Variants in RFX6 observed in about 807,000 individuals in gnomAD.
RFX6 encodes the protein DNA-binding protein RFX6.
Under a neutral mutation model 110.8 loss-of-function variants are expected in RFX6, and 50 were observed. The observed-to-expected ratio is 0.45, with a 90% CI of 0.36 to 0.57. The LOEUF is 0.57. RFX6 is among the 20% of genes least tolerant of loss of function. The pLI is 0.00. For synonymous variants in RFX6, 383 were observed against 411.2 expected (o/e 0.93, Z 0.83); for missense variants, 990 against 1,127.0 (o/e 0.88, Z 1.74).
At chr6:116,917,861 A>ACACT (rs200053583) in intron 9 of RFX6, among the ~76,000 whole-genome samples, 176 bp from the exon 10 acceptor site, 1 of 152,148 alleles carries the variant, frequency 6.6e-6, no homozygotes, top group African/African-American at 2.4e-5. Context: ...ATTGTCATAC[A>ACACT]CACTCACACA....
chr6:116,916,345 C>A, intron 9 of RFX6, 31 bp downstream of exon 9: 2 of 1,242,788 alleles, frequency 1.6e-6, no homozygotes, highest in Non-Finnish European at 2.4e-6. Context: ...TAAACATGAG[C>A]CATTTATTTC....
At chr6:116,892,587 C>T (rs996100495) in intron 4 of RFX6, among the ~76,000 whole-genome samples, 1 of 152,142 alleles carries the variant, frequency 6.6e-6, no homozygotes, top group South Asian at 2.1e-4. Context: ...CAGTCCAGTT[C>T]CCTCACAGTG....
At chr6:116,923,730 C>CAG (rs1775652054) in intron 14 of RFX6, among the ~76,000 whole-genome samples, 1 of 152,200 alleles carries the variant, frequency 6.6e-6, no homozygotes, top group East Asian at 1.9e-4. Flanking sequence ...TTAGAAGACA[C>CAG]ACTGTCATGT....
intron 9 of RFX6, among the ~76,000 whole-genome samples, chr6:116,917,342 T>TTTG (rs1186932198): frequency 1.3e-5 from 2 of 151,596 alleles, no homozygotes; most frequent in Non-Finnish European, 2.9e-5. Context: ...TGTCTTGTTT[T>TTTG]TTTTTTTTTT....
intron 6 of RFX6, among the ~76,000 whole-genome samples, chr6:116,910,049 T>C (rs917743682): frequency 6.6e-6 from 1 of 152,168 alleles, no homozygotes; most frequent in African/African-American, 2.4e-5. Context: ...AAGTGCAGTC[T>C]AGAAATAAAT....
intron 18 of RFX6, among the ~76,000 whole-genome samples, chr6:116,930,482 TA>T (rs1775859561): frequency 1.3e-5 from 2 of 152,224 alleles, no homozygotes; most frequent in Middle Eastern, 3.4e-3. Context: ...AGTAAGGCAA[TA>T]AATACATGAG....
intron 6 of RFX6, among the ~76,000 whole-genome samples, chr6:116,906,121 T>C (rs11153641): frequency 0.2 from 30,738 of 152,156 alleles, 3,722 homozygotes; most frequent in East Asian, 0.42. Context: ...CCTTTCCCCA[T>C]AGAATTGTCC....
At chr6:116,883,308 A>G (rs2114663019) in intron 4 of RFX6, among the ~76,000 whole-genome samples, 1 of 152,104 alleles carries the variant, frequency 6.6e-6, no homozygotes, top group Non-Finnish European at 1.5e-5. Flanking sequence ...AAATACAGAA[A>G]ACTACCTCTA....
At chr6:116,880,479 T>A in intron 2 of RFX6, 65 bp from the exon 3 acceptor site, 4 of 1,486,306 alleles carry the variant, frequency 2.7e-6, no homozygotes, top group Non-Finnish European at 3.7e-6. Context: ...GGGTAATAAG[T>A]CAATGAGAAA....
chr6:116,880,520 C>T, intron 2 of RFX6, 24 bp from the exon 3 acceptor site: 1 of 1,605,210 alleles, frequency 6.2e-7, no homozygotes, highest in Non-Finnish European at 8.5e-7. Context: ...AATATTTGAC[C>T]TAATTTTTGT....
chr6:116,905,261 T>A (rs1374687366), intron 6 of RFX6, among the ~76,000 whole-genome samples: 1 of 152,182 alleles, frequency 6.6e-6, no homozygotes, highest in Non-Finnish European at 1.5e-5. Flanking sequence ...TGGTATCTCA[T>A]TTAGGGTTTG....
chr6:116,919,243 C>G lies in RFX6; in HGVS notation c.1129C>G (p.Arg377Gly). Residue 377 changes from arginine (R) to glycine (G), a missense_variant, in exon 11 of 19, where the codon CGA becomes GGA. Physicochemically the swap from Arg to Gly is moderately radical, Grantham distance 125. Transcript: ENST00000332958. Reference sequence around the variant, plus strand: ...AACTGACAAGAAAATACCTATTGTGCGAAGATTTGTATCTTCTCTGAAACG... The same window carrying G: ...AACTGACAAGAAAATACCTATTGTGGGAAGATTTGTATCTTCTCTGAAACG... ...ALTDKKIPIV[R>G]RFVSSLKRQT... The G allele has an allele frequency of 6.2e-7, 1 of 1,612,994 alleles. No individual in the cohort carries two copies. Among genetic ancestry groups the G allele is most frequent in the Non-Finnish European group, 8.5e-7 (1 of 1,179,176 alleles).
intron 6 of RFX6, among the ~76,000 whole-genome samples, chr6:116,902,836 A>G (rs749558127): frequency 9.2e-5 from 14 of 152,096 alleles, no homozygotes; most frequent in Non-Finnish European, 1.8e-4. Flanking sequence ...GTAGACTGTT[A>G]TCATACTCTC....
At chr6:116,924,161 T>A (rs984180257) in intron 14 of RFX6, among the ~76,000 whole-genome samples, 1 of 152,232 alleles carries the variant, frequency 6.6e-6, no homozygotes, top group Non-Finnish European at 1.5e-5. Context: ...AGAACATATT[T>A]CACTTGAAAA....
chr6:116,882,355 C>T lies in RFX6; in HGVS notation c.505-12C>T. On this transcript the variant is annotated splice_polypyrimidine_tract_variant and intron_variant, in intron 3 of 18. Coordinates refer to ENST00000332958, the MANE Select transcript of RFX6 (RefSeq NM_173560.4). The stretch of plus-strand genomic sequence containing the variant: ...ACTTTCTAACGCCTAAAGTAATCAT[C>T]TTTCTTTTTAGACAATTCGCCAGAA... 1 of 1,609,076 alleles carries T rather than the reference C, an allele frequency of 6.2e-7. No individual in the cohort carries two copies.
intron 10 of RFX6, 121 bp downstream of exon 10, chr6:116,918,207 G>T (rs1408578904): frequency 7.6e-6 from 6 of 793,808 alleles, no homozygotes; most frequent in African/African-American, 1.7e-5. Context: ...TTCTACTTTT[G>T]TCCCTTTGTA....
intron 6 of RFX6, among the ~76,000 whole-genome samples, chr6:116,907,091 T>A (rs1051331143): frequency 6.6e-6 from 1 of 151,670 alleles, no homozygotes; most frequent in African/African-American, 2.4e-5. Flanking sequence ...ATATGGAATT[T>A]TTTCAAATAC....
At chr6:116,905,901 C>T (rs1775191308) in intron 6 of RFX6, among the ~76,000 whole-genome samples, 1 of 151,736 alleles carries the variant, frequency 6.6e-6, no homozygotes. Flanking sequence ...GTTTTAGTGT[C>T]CTATATAAAA....
chr6:116,925,728 A>G, intron 16 of RFX6, 69 bp downstream of exon 16: 1 of 1,025,088 alleles, frequency 9.8e-7, no homozygotes, highest in Non-Finnish European at 1.5e-6. Flanking sequence ...TTTTCTTAAA[A>G]CTCATAACTT....
Sources: gnomAD v4.1 joint callset for allele counts (sites outside exome capture counted in the v4.1 genomes callset) on GRCh38, gnomAD v4.1.1 for gene constraint, MANE v1.5 for transcripts, NCBI Gene and HGNC (gene_info 2026-07-23, HGNC 2026-07-21) for gene names.